The following MAF variants were observed in gnomAD, a reference collection of about 807,000 sequenced individuals.
MAF encodes the protein MAF bZIP transcription factor.
MAF carries 10 observed loss-of-function variants against 22.0 expected under a neutral mutation model. The ratio of observed to expected loss-of-function variants is 0.45; its 90% CI spans 0.28 to 0.77. MAF has a LOEUF of 0.77. Among genes scored for constraint, MAF ranks in the 30% least tolerant of loss-of-function variants. The pLI, the probability that MAF is intolerant of heterozygous loss-of-function variation, is 0.12. For missense variants in MAF, 544 were observed against 548.4 expected, an observed-to-expected ratio of 0.99 and a Z score of 0.08; for synonymous variants, 337 against 255.8, an observed-to-expected ratio of 1.32 and a Z score of -3.03.
At chr16:79,357,589 G>A in the MAF span, among the ~76,000 whole-genome samples, 6 of 152,136 alleles carry the variant, frequency 3.9e-5, no homozygotes, top group South Asian at 4.1e-4. Context: ...GCAGTTACTG[G>A]AGTGACTTTG....
the MAF span, among the ~76,000 whole-genome samples, chr16:79,407,237 G>C: frequency 6.6e-6 from 1 of 152,166 alleles, no homozygotes; most frequent in African/African-American, 2.4e-5. Context: ...GTTGCGCAAG[G>C]AGTGCCATCA....
At chr16:79,297,611 C>A in the MAF span, among the ~76,000 whole-genome samples, 1 of 152,116 alleles carries the variant, frequency 6.6e-6, no homozygotes, top group Non-Finnish European at 1.5e-5. Flanking sequence ...TGTGAGAATC[C>A]AACGCGATGA....
At chr16:79,277,964 A>G in the MAF span, among the ~76,000 whole-genome samples, 1 of 152,176 alleles carries the variant, frequency 6.6e-6, no homozygotes, top group African/African-American at 2.4e-5. Context: ...GCAGGTTCCT[A>G]GGATCTGCCC....
At chr16:79,373,647 G>T in the MAF span, among the ~76,000 whole-genome samples, 1 of 151,888 alleles carries the variant, frequency 6.6e-6, no homozygotes, top group Non-Finnish European at 1.5e-5. Context: ...CAAAGTGCTG[G>T]GATTACAGGT....
the MAF span, among the ~76,000 whole-genome samples, chr16:79,564,049 G>A: frequency 2.0e-5 from 3 of 152,294 alleles, no homozygotes; most frequent in Admixed American, 1.3e-4. Flanking sequence ...CAGGCAGGTG[G>A]GATGCATTTC....
the MAF span, among the ~76,000 whole-genome samples, chr16:79,526,946 A>G: frequency 6.6e-6 from 1 of 152,210 alleles, no homozygotes; most frequent in South Asian, 2.1e-4. Flanking sequence ...AATTGATTTG[A>G]TTGTAAAGTT....
intron 1 of MAF, 168 bp downstream of exon 1, chr16:79,598,617 G>A (rs2143794278): frequency 6.7e-7 from 1 of 1,503,684 alleles, no homozygotes; most frequent in South Asian, 1.3e-5. Flanking sequence ...TGTGGTGTGT[G>A]CGTGCGGGTT....
chr16:79,595,655 G>T, intron 1 of MAF: 1 of 1,057,790 alleles, frequency 9.5e-7, no homozygotes, highest in Non-Finnish European at 1.1e-6. Context: ...CTTTAAGTCA[G>T]CCCCCATACA....
chr16:79,579,520 T>A, the MAF span, among the ~76,000 whole-genome samples: 1 of 152,128 alleles, frequency 6.6e-6, no homozygotes, highest in Non-Finnish European at 1.5e-5. Context: ...AAACTTTGAT[T>A]ATAAATTACA....
the MAF span, among the ~76,000 whole-genome samples, chr16:79,345,792 A>G: frequency 6.8e-6 from 1 of 147,772 alleles, no homozygotes; most frequent in African/African-American, 2.5e-5. Context: ...ATAGTATTCC[A>G]TTTTAAGTGT....
At chr16:79,208,883 C>T in the MAF span, among the ~76,000 whole-genome samples, 1 of 152,130 alleles carries the variant, frequency 6.6e-6, no homozygotes, top group Admixed American at 6.5e-5. Context: ...ATGGGACCAA[C>T]AAGATATTGT....
chr16:79,561,461 C>T, the MAF span, among the ~76,000 whole-genome samples: 3 of 135,718 alleles, frequency 2.2e-5, no homozygotes, highest in Non-Finnish European at 4.7e-5. Flanking sequence ...TGCTATCCCT[C>T]CCCCCTCCCC....
At chr16:79,405,884 G>T in the MAF span, among the ~76,000 whole-genome samples, 2 of 152,276 alleles carry the variant, frequency 1.3e-5, no homozygotes, top group East Asian at 3.9e-4. Context: ...TTCCTCCCAG[G>T]CTTTCCCATT....
chr16:79,484,750 G>A, the MAF span, among the ~76,000 whole-genome samples: 4 of 152,218 alleles, frequency 2.6e-5, no homozygotes, highest in Non-Finnish European at 4.4e-5. Flanking sequence ...AGCTAGAGCC[G>A]GTGGAGCAGC....
the MAF span, among the ~76,000 whole-genome samples, chr16:79,307,547 T>C: frequency 2.6e-5 from 4 of 152,212 alleles, no homozygotes; most frequent in Non-Finnish European, 5.9e-5. Context: ...GCCCCCGACA[T>C]GATGGGCGAT....
At chr16:79,552,029 G>A in the MAF span, among the ~76,000 whole-genome samples, 1 of 151,970 alleles carries the variant, frequency 6.6e-6, no homozygotes, top group Non-Finnish European at 1.5e-5. Flanking sequence ...AAAATGTTTG[G>A]AGGATAAAAC....
chr16:79,443,030 G>C, the MAF span, among the ~76,000 whole-genome samples: 93 of 152,344 alleles, frequency 6.1e-4, no homozygotes, highest in African/African-American at 2.1e-3. Context: ...GAAGAGCAGA[G>C]TCTAATGGGA....
chr16:79,248,145 A>C, the MAF span, among the ~76,000 whole-genome samples: 2 of 150,952 alleles, frequency 1.3e-5, no homozygotes, highest in African/African-American at 4.9e-5. Context: ...CAAGTGTACC[A>C]CATGTTAGAT....
downstream of MAF, among the ~76,000 whole-genome samples, chr16:79,580,938 A>C (rs903609363): frequency 6.6e-6 from 1 of 152,176 alleles, no homozygotes; most frequent in African/African-American, 2.4e-5. Context: ...ACTGGAGCAA[A>C]GAATGAGAAA....
Sources: gnomAD v4.1 joint callset for allele counts (sites outside exome capture counted in the v4.1 genomes callset) on GRCh38, gnomAD v4.1.1 for gene constraint, MANE v1.5 for transcripts, NCBI Gene and HGNC (gene_info 2026-07-23, HGNC 2026-07-21) for gene names.